MAST4: variants seen among roughly 807,000 people sequenced by gnomAD.
The protein encoded by MAST4 is microtubule associated serine/threonine kinase family member 4.
MAST4 carries 89 observed loss-of-function variants against 162.7 expected under a neutral mutation model. The ratio of observed to expected loss-of-function variants is 0.55; its 90% CI spans 0.46 to 0.65. The LOEUF (loss-of-function observed/expected upper bound fraction) is 0.65, where lower values mean the gene tolerates loss of function less well. MAST4 is among the 30% of genes least tolerant of loss of function. The probability of loss-of-function intolerance (pLI) is 0.00; values close to 1 mark genes in which losing one functional copy is unlikely to be tolerated. For missense variants in MAST4, 3,153 were observed against 3,374.0 expected, an observed-to-expected ratio of 0.93 and a Z score of 1.62; for synonymous variants, 1,479 against 1,361.1, an observed-to-expected ratio of 1.09 and a Z score of -1.91.
chr5:66,901,806 A>T (rs1212354733), intron 4 of MAST4, among the ~76,000 whole-genome samples: 1 of 151,208 alleles, frequency 6.6e-6, no homozygotes, highest in Non-Finnish European at 1.5e-5. Flanking sequence ...CAGAGAATTA[A>T]TGATGCCTCA....
At chr5:67,104,237 T>C (rs1305990026) in intron 9 of MAST4, 129 bp from the exon 10 acceptor site, 1 of 698,752 alleles carries the variant, frequency 1.4e-6, no homozygotes, top group African/African-American at 1.8e-5. Context: ...TTCTTTTAAA[T>C]TTGATTTCTA....
At chr5:67,077,248 G>C (rs1439320990) in intron 5 of MAST4, among the ~76,000 whole-genome samples, 1 of 152,004 alleles carries the variant, frequency 6.6e-6, no homozygotes, top group African/African-American at 2.4e-5. Context: ...ATGCACACTG[G>C]AGTCACCTGG....
chr5:66,700,038 T>C lies in MAST4; in HGVS notation c.364-59671T>C, dbSNP rs189496548. ...ATTGTGAAACTAGCTGCATGGTTGC[T>C]ATTACCGACATTTTTGGTGTTGACT... On this transcript the variant is annotated intron_variant, in intron 1 of 28. Coordinates refer to ENST00000403625, the MANE Select transcript of MAST4 (RefSeq NM_001164664.2). 8.7e-5 allele frequency among the ~76,000 whole-genome samples: 11 copies of C among 126,208 alleles called. No homozygotes were observed. The East Asian group carries it at 1.6e-3, about 18-fold the overall frequency. The allele number at this position is 126,208 out of a possible 152,430, so 82.8% of individuals were successfully genotyped here.
chr5:66,650,389 T>A (rs753170238), intron 1 of MAST4, among the ~76,000 whole-genome samples: 3 of 152,164 alleles, frequency 2.0e-5, no homozygotes, highest in Admixed American at 6.5e-5. Context: ...ATTTGCCCAT[T>A]TCTGTGGAGT....
intron 3 of MAST4, among the ~76,000 whole-genome samples, chr5:66,809,667 T>C (rs79968709): frequency 0.014 from 2,164 of 152,264 alleles, 48 homozygotes; most frequent in African/African-American, 0.048. Context: ...ATCTCTCTCT[T>C]CTCCCTGTGA....
rs114985716 is a variant in MAST4 at position 66,946,936 on chromosome 5, T to C, written c.674+46954T>C. On this transcript the variant is annotated intron_variant, in intron 4 of 28. Transcript: ENST00000403625. ...TTTTATGCCCTCCCCACTTTAGACG[T>C]CCACTTTCTTTTTCATTGGCTGCAG... Among the ~76,000 whole-genome samples, 924 of 152,202 alleles carry C rather than the reference T, an allele frequency of 6.1e-3. 6 individuals are homozygous for C. The highest frequency in any genetic ancestry group is 0.021 in the African/African-American group (865 of 41,522).
At chr5:66,817,511 A>G (rs1378010018) in intron 3 of MAST4, among the ~76,000 whole-genome samples, 1 of 152,230 alleles carries the variant, frequency 6.6e-6, no homozygotes, top group African/African-American at 2.4e-5. Flanking sequence ...AAGTGAGAGT[A>G]AAGTGCTGTC....
At chr5:66,867,068 ACT>A (rs773197539) in intron 3 of MAST4, among the ~76,000 whole-genome samples, 5 of 151,526 alleles carry the variant, frequency 3.3e-5, no homozygotes, top group Non-Finnish European at 5.9e-5. Flanking sequence ...GCTAATTAAA[ACT>A]CTTTTGAATG....
chr5:66,984,934 G>A (rs547340750), intron 4 of MAST4, among the ~76,000 whole-genome samples: 1 of 152,142 alleles, frequency 6.6e-6, no homozygotes, highest in South Asian at 2.1e-4. Context: ...TTGAATTTGA[G>A]ATCTTTATAT....
chr5:67,100,442 G>C lies in MAST4; in HGVS notation c.920G>C (p.Cys307Ser), dbSNP rs1764907981. The C allele has an allele frequency of 1.9e-6, 3 of 1,613,698 alleles. No homozygotes were observed. The highest frequency in any genetic ancestry group is 2.5e-6 in the Non-Finnish European group (3 of 1,179,792). ...NTPSSTVSSS[C>S]SSQEKLHQLP... is the part of the protein sequence containing the mutation. ...CACTTTGGTTTTTTTCAGTCATCCT[G>C]TTCCTCCCAGGAGAAGTTGCATCAG... The change falls in exon 8 of 29, where the codon TGT becomes TCT. Residue 307 changes from cysteine (C) to serine (S), a missense_variant. This residue lies in a region of MAST4 where 360 missense variants were observed against 450.0 expected (regional missense o/e 0.80). Transcript: ENST00000403625.
intron 1 of MAST4, among the ~76,000 whole-genome samples, chr5:66,618,647 T>C (rs1457822641): frequency 2.0e-5 from 3 of 146,506 alleles, no homozygotes; most frequent in African/African-American, 7.5e-5. Context: ...GGCTTCAGAT[T>C]AACTAGATGC....
At chr5:66,811,549 G>C (rs186460687) in intron 3 of MAST4, among the ~76,000 whole-genome samples, 1 of 152,130 alleles carries the variant, frequency 6.6e-6, no homozygotes, top group African/African-American at 2.4e-5. Flanking sequence ...ATGCATTTCC[G>C]AGCTGGGGAA....
intron 3 of MAST4, among the ~76,000 whole-genome samples, chr5:66,844,511 T>A (rs749269081): frequency 4.6e-5 from 7 of 152,202 alleles, no homozygotes; most frequent in Non-Finnish European, 8.8e-5. Flanking sequence ...ATTGGACCAG[T>A]CTTATGGGAA....
chr5:67,045,677 T>A (rs78495886), intron 4 of MAST4, among the ~76,000 whole-genome samples: 1 of 152,278 alleles, frequency 6.6e-6, no homozygotes, highest in African/African-American at 2.4e-5. Flanking sequence ...GGGGCTAAGT[T>A]TGAGGATTGC....
intron 14 of MAST4, among the ~76,000 whole-genome samples, chr5:67,123,963 C>T (rs888656296): frequency 6.6e-6 from 1 of 152,192 alleles, no homozygotes; most frequent in Admixed American, 6.5e-5. Flanking sequence ...CACCCTCCTT[C>T]CCACATGGAG....
chr5:66,966,104 C>T (rs1198407286), intron 4 of MAST4, among the ~76,000 whole-genome samples: 1 of 152,168 alleles, frequency 6.6e-6, no homozygotes. Flanking sequence ...TGAATATTGC[C>T]TTTGATTACA....
intron 1 of MAST4, among the ~76,000 whole-genome samples, chr5:66,742,012 T>C (rs1404910684): frequency 6.6e-6 from 1 of 152,242 alleles, no homozygotes; most frequent in East Asian, 1.9e-4. Flanking sequence ...AGGATGAGCA[T>C]CTGTACTCCC....
rs961981419 is a variant in MAST4 at position 66,597,103 on chromosome 5, G to A, written c.363+85G>A. 3.1e-6 allele frequency: 4 copies of A among 1,298,234 alleles called. No individual in the cohort carries two copies. In the African/African-American group the frequency reaches 6.2e-5, roughly 20 times the overall value. The allele number at this position is 1,298,234 out of a possible 1,614,324, so 80.4% of individuals were successfully genotyped here. A position where few individuals can be genotyped will look rare whatever the true frequency, so the allele number is the denominator to read the frequency against. On this transcript the variant is annotated intron_variant, in intron 1 of 28. Coordinates refer to ENST00000403625, the MANE Select transcript of MAST4 (RefSeq NM_001164664.2). ...CATCCTGCGCACAGGCAGTGGGCAGGAGAGCGCTGTGGCCTGGAGATAGGG... is the reference window on the plus strand; with the variant it reads ...CATCCTGCGCACAGGCAGTGGGCAGAAGAGCGCTGTGGCCTGGAGATAGGG...
intron 2 of MAST4, among the ~76,000 whole-genome samples, chr5:66,761,716 G>C (rs1384960954): frequency 2.6e-5 from 4 of 152,054 alleles, no homozygotes; most frequent in African/African-American, 9.7e-5. Flanking sequence ...TCAGGCCAAG[G>C]GGGAGAAATT....
Sources: gnomAD v4.1 joint callset for allele counts (sites outside exome capture counted in the v4.1 genomes callset) on GRCh38, gnomAD v4.1.1 for gene constraint, gnomAD v4.1.1 regional missense constraint, MANE v1.5 for transcripts, NCBI Gene and HGNC (gene_info 2026-07-23, HGNC 2026-07-21) for gene names.